SBF2: variants seen among roughly 807,000 people sequenced by gnomAD.
The protein encoded by SBF2 is SET binding factor 2, also known as myotubularin-related protein 13.
In SBF2, 112 loss-of-function variants were observed where a neutral mutation model predicts 225.2. The ratio of observed to expected loss-of-function variants is 0.50; its 90% CI spans 0.43 to 0.58. The LOEUF (loss-of-function observed/expected upper bound fraction) is 0.58. SBF2 is among the 20% of genes least tolerant of loss of function. The probability of loss-of-function intolerance (pLI) is 0.00; values close to 1 mark genes in which losing one functional copy is unlikely to be tolerated. For synonymous variants in SBF2, 763 were observed against 773.3 expected (o/e 0.99, Z 0.22); for missense variants, 1,996 against 2,206.2 (o/e 0.90, Z 1.91).
intron 1 of SBF2, among the ~76,000 whole-genome samples, chr11:10,240,664 A>C (rs150433553): frequency 0.014 from 2,200 of 152,314 alleles, 59 homozygotes; most frequent in African/African-American, 0.051. Flanking sequence ...AAATTGGAGC[A>C]GTAGAATTAT....
intron 21 of SBF2, among the ~76,000 whole-genome samples, chr11:9,850,956 T>C (rs893024819): frequency 1.3e-5 from 2 of 151,944 alleles, no homozygotes; most frequent in Non-Finnish European, 2.9e-5. Context: ...GCCAACATAG[T>C]GAAACCCTGC....
intron 16 of SBF2, among the ~76,000 whole-genome samples, chr11:9,940,771 G>A (rs1377913696): frequency 6.6e-6 from 1 of 151,948 alleles, no homozygotes; most frequent in African/African-American, 2.4e-5. Flanking sequence ...TAAACCTGCA[G>A]CCCAAGAAGT....
chr11:9,995,950 G>A (rs1003303332), intron 9 of SBF2, among the ~76,000 whole-genome samples: 5 of 151,374 alleles, frequency 3.3e-5, no homozygotes, highest in Admixed American at 6.6e-5. Flanking sequence ...ATGAGCCACC[G>A]CACCCGGCCG....
chr11:9,919,631 T>C (rs1043336507), intron 16 of SBF2, among the ~76,000 whole-genome samples: 2 of 152,188 alleles, frequency 1.3e-5, no homozygotes, highest in African/African-American at 4.8e-5. Context: ...CTGGAATCTA[T>C]AGATAACATA....
rs144041454 is a variant in SBF2 at position 9,793,734 on chromosome 11, A to G, written c.4570+2097T>C. ...AAGCTGTTGATGCCTGGGCCTTACC[A>G]TCACAGATTCTGATTTAAGTGGTTG... is the stretch of plus-strand genomic sequence containing the variant. On this transcript the variant is annotated intron_variant, in intron 33 of 39. Transcript: ENST00000256190. 2.7e-3 allele frequency among the ~76,000 whole-genome samples: 418 copies of G among 152,254 alleles called. 3 individuals carry two copies. The highest frequency in any genetic ancestry group is 9.5e-3 in the African/African-American group (393 of 41,534).
intron 2 of SBF2, among the ~76,000 whole-genome samples, chr11:10,133,130 A>C (rs1336570443): frequency 6.7e-6 from 1 of 149,114 alleles, no homozygotes. Context: ...CGATTGGTGC[A>C]CTCACAAACC....
intron 2 of SBF2, among the ~76,000 whole-genome samples, chr11:10,160,016 T>C (rs1448820183): frequency 6.6e-6 from 1 of 152,134 alleles, no homozygotes; most frequent in Non-Finnish European, 1.5e-5. Context: ...CCTGTCTTGA[T>C]GAATCAGCTC....
intron 2 of SBF2, among the ~76,000 whole-genome samples, chr11:10,052,159 A>G (rs976726563): frequency 4.6e-5 from 2 of 43,568 alleles, no homozygotes; most frequent in Non-Finnish European, 1.1e-4. Context: ...GGCAAACAGG[A>G]AAAAAAAAAA....
intron 6 of SBF2, among the ~76,000 whole-genome samples, chr11:10,015,389 C>T (rs1027347670): frequency 1.3e-5 from 2 of 152,154 alleles, no homozygotes; most frequent in Non-Finnish European, 2.9e-5. Context: ...TAAAACAAGA[C>T]AAATTTATTA....
chr11:9,997,785 A>G (rs1217934348), intron 9 of SBF2, among the ~76,000 whole-genome samples: 1 of 152,266 alleles, frequency 6.6e-6, no homozygotes, highest in Non-Finnish European at 1.5e-5. Context: ...CTCAAAAAAA[A>G]AGAATGAATT....
chr11:10,036,057 T>C (rs963078412), intron 3 of SBF2, among the ~76,000 whole-genome samples: 2 of 152,182 alleles, frequency 1.3e-5, no homozygotes, highest in African/African-American at 4.8e-5. Context: ...GTGGCACATA[T>C]ACACCATGGA....
intron 8 of SBF2, among the ~76,000 whole-genome samples, chr11:10,000,494 C>T (rs1947910340): frequency 6.6e-6 from 1 of 152,124 alleles, no homozygotes; most frequent in Admixed American, 6.6e-5. Context: ...AAGCTCATAC[C>T]AAACTTCTGT....
intron 2 of SBF2, among the ~76,000 whole-genome samples, chr11:10,169,279 T>C (rs1161819688): frequency 1.3e-5 from 2 of 152,174 alleles, no homozygotes; most frequent in Non-Finnish European, 2.9e-5. Context: ...TTATTCATTC[T>C]ACCCAACTAT....
chr11:9,787,304 G>C (rs534155624), intron 36 of SBF2, among the ~76,000 whole-genome samples: 13 of 152,314 alleles, frequency 8.5e-5, no homozygotes, highest in Non-Finnish European at 1.2e-4. Flanking sequence ...TGGAGCAAAC[G>C]TGGTCTTGGC....
chr11:9,984,568 G>A (rs1312848513), intron 13 of SBF2, among the ~76,000 whole-genome samples: 1 of 152,118 alleles, frequency 6.6e-6, no homozygotes, highest in Admixed American at 6.5e-5. Context: ...CCAAATACAA[G>A]CAGCACAAAG....
intron 33 of SBF2, chr11:9,791,249 A>T (rs532873503): frequency 6.6e-6 from 1 of 152,254 alleles, no homozygotes; most frequent in African/African-American, 2.4e-5. Flanking sequence ...ACCTTTTTCA[A>T]ATAGTCAATC....
At chr11:9,841,850 C>T (rs1286566568) in intron 25 of SBF2, among the ~76,000 whole-genome samples, 1 of 152,116 alleles carries the variant, frequency 6.6e-6, no homozygotes, top group Non-Finnish European at 1.5e-5. Flanking sequence ...GGTTCTTTAT[C>T]CCAGCAACTG....
At chr11:10,101,929 G>A (rs1952325928) in intron 2 of SBF2, among the ~76,000 whole-genome samples, 1 of 151,824 alleles carries the variant, frequency 6.6e-6, no homozygotes, top group Non-Finnish European at 1.5e-5. Flanking sequence ...CTTTGCTAGG[G>A]GTCCCTGAAA....
At chr11:10,049,300 TA>T (rs200498226) in intron 2 of SBF2, among the ~76,000 whole-genome samples, 7 of 152,120 alleles carry the variant, frequency 4.6e-5, no homozygotes, top group African/African-American at 1.7e-4. Flanking sequence ...TGGGTAAATT[TA>T]AAAAAAAATT....
Sources: allele counts gnomAD v4.1 joint callset (sites outside exome capture counted in the v4.1 genomes callset), GRCh38; gene constraint gnomAD v4.1.1; transcripts MANE v1.5; gene names NCBI Gene and HGNC (gene_info 2026-07-23, HGNC 2026-07-21).